SPAG16: variants seen among roughly 807,000 people sequenced by gnomAD.
SPAG16 encodes sperm associated antigen 16.
Under a neutral mutation model 80.4 loss-of-function variants are expected in SPAG16, and 86 were observed. The observed-to-expected ratio is 1.07, with a 90% CI of 0.90 to 1.28. The LOEUF (loss-of-function observed/expected upper bound fraction) is 1.28, where lower values mean the gene tolerates loss of function less well. Among genes scored for constraint, SPAG16 ranks in the 50% most tolerant of loss-of-function variants. SPAG16 has a pLI of 0.00. For missense variants in SPAG16, 870 were observed against 765.3 expected (o/e 1.14, Z -1.61); for synonymous variants, 294 against 265.9 (o/e 1.11, Z -1.03).
intron 10 of SPAG16, among the ~76,000 whole-genome samples, chr2:213,700,882 C>T (rs145482325): frequency 1.2e-3 from 186 of 152,226 alleles, no homozygotes; most frequent in Non-Finnish European, 2.3e-3. Context: ...CGTGGTGGCT[C>T]ACACATATAA....
intron 13 of SPAG16, among the ~76,000 whole-genome samples, chr2:214,049,864 C>T (rs1334649679): frequency 6.6e-6 from 1 of 152,020 alleles, no homozygotes; most frequent in Non-Finnish European, 1.5e-5. Flanking sequence ...TAAAAAAATA[C>T]CTTCTTATAC....
At chr2:213,631,673 T>C (rs2125084036) in intron 10 of SPAG16, among the ~76,000 whole-genome samples, 1 of 152,322 alleles carries the variant, frequency 6.6e-6, no homozygotes, top group South Asian at 2.1e-4. Context: ...TGGTGAAAGA[T>C]AGGGGACTAG....
intron 10 of SPAG16, among the ~76,000 whole-genome samples, chr2:213,731,383 C>T (rs187080626): frequency 6.6e-6 from 1 of 151,786 alleles, no homozygotes; most frequent in East Asian, 1.9e-4. Context: ...TGGTCTTGAA[C>T]TCCTGACATC....
chr2:213,295,244 A>T (rs890937303), intron 1 of SPAG16, among the ~76,000 whole-genome samples: 3 of 152,158 alleles, frequency 2.0e-5, no homozygotes, highest in Non-Finnish European at 4.4e-5. Flanking sequence ...ACCTAACAAT[A>T]ATAACAACAA....
At chr2:213,656,063 A>G (rs1270767491) in intron 10 of SPAG16, among the ~76,000 whole-genome samples, 1 of 152,234 alleles carries the variant, frequency 6.6e-6, no homozygotes, top group African/African-American at 2.4e-5. Flanking sequence ...TCAAGATAAA[A>G]TGTCTTAGAT....
chr2:213,510,136 C>T (rs181940771), intron 10 of SPAG16, among the ~76,000 whole-genome samples: 28 of 152,234 alleles, frequency 1.8e-4, no homozygotes, highest in Non-Finnish European at 3.2e-4. Context: ...AAAATTTAGA[C>T]ATCCCTCATA....
At chr2:213,998,533 G>C (rs1259361938) in intron 12 of SPAG16, among the ~76,000 whole-genome samples, 2 of 152,064 alleles carry the variant, frequency 1.3e-5, no homozygotes, top group African/African-American at 4.8e-5. Flanking sequence ...TCCCATTCTT[G>C]GGTATGTCTT....
At chr2:213,812,034 G>A (rs1262119023) in intron 10 of SPAG16, among the ~76,000 whole-genome samples, 2 of 152,152 alleles carry the variant, frequency 1.3e-5, no homozygotes, top group East Asian at 1.9e-4. Flanking sequence ...GGAGTTAGAA[G>A]CATGGTAAAG....
intron 10 of SPAG16, among the ~76,000 whole-genome samples, chr2:213,494,788 G>C (rs891801477): frequency 4.6e-5 from 7 of 151,994 alleles, no homozygotes; most frequent in Admixed American, 4.6e-4. Context: ...TACCTCCTTG[G>C]CTGCATGCTC....
At chr2:214,195,332 G>GATAGATAGATAGATAT (rs1265821816) in intron 15 of SPAG16, among the ~76,000 whole-genome samples, 9 of 151,882 alleles carry the variant, frequency 5.9e-5, no homozygotes, top group African/African-American at 1.2e-4. Context: ...TAGATAGATA[G>GATAGATAGATAGATAT]ATATTTGAGA....
intron 9 of SPAG16, among the ~76,000 whole-genome samples, chr2:213,429,543 A>C (rs2070158795): frequency 6.6e-6 from 1 of 152,214 alleles, no homozygotes; most frequent in Non-Finnish European, 1.5e-5. Context: ...TTCGGCCTAC[A>C]CAATCCAATA....
intron 12 of SPAG16, among the ~76,000 whole-genome samples, chr2:213,935,057 C>G (rs12476185): frequency 0.046 from 6,923 of 152,050 alleles, 179 homozygotes; most frequent in South Asian, 0.11. Context: ...AAAAAATTAC[C>G]TGGGCGTGGT....
rs145478602 is a variant in SPAG16 at position 213,914,793 on chromosome 2, A to G, written c.1215-15167A>G. On this transcript the variant is annotated intron_variant, in intron 11 of 15. Transcript: ENST00000331683. ...GGCCACATGTATGTCTTCTTTTGGA[A>G]AGAGTCTGTTCTTGTTATTTGCCCA... 2.2e-4 allele frequency among the ~76,000 whole-genome samples: 34 copies of G among 152,270 alleles called. No individual in the cohort carries two copies. The East Asian group carries it at 6.2e-3, about 28-fold the overall frequency.
chr2:213,507,275 G>C (rs1357632495), intron 10 of SPAG16, among the ~76,000 whole-genome samples: 1 of 152,166 alleles, frequency 6.6e-6, no homozygotes, highest in East Asian at 1.9e-4. Flanking sequence ...TTCCATCACT[G>C]GTGTCTCTGA....
At chr2:213,525,213 C>G (rs1358914815) in intron 10 of SPAG16, among the ~76,000 whole-genome samples, 1 of 151,554 alleles carries the variant, frequency 6.6e-6, no homozygotes, top group African/African-American at 2.4e-5. Flanking sequence ...TCCTTTTGAC[C>G]AGGTATGTAA....
At chr2:214,245,842 T>C (rs1430306345) in intron 15 of SPAG16, among the ~76,000 whole-genome samples, 1 of 152,178 alleles carries the variant, frequency 6.6e-6, no homozygotes, top group African/African-American at 2.4e-5. Context: ...TTTTTTTAAA[T>C]TTACCTGATA....
At chr2:213,668,491 G>T (rs1240866472) in intron 10 of SPAG16, among the ~76,000 whole-genome samples, 1 of 152,048 alleles carries the variant, frequency 6.6e-6, no homozygotes, top group East Asian at 1.9e-4. Context: ...TTTTTTTACA[G>T]ATAGATTGAA....
intron 15 of SPAG16, among the ~76,000 whole-genome samples, chr2:214,375,519 C>G (rs912164799): frequency 1.3e-5 from 2 of 152,102 alleles, no homozygotes; most frequent in Non-Finnish European, 2.9e-5. Context: ...AGACACCTGT[C>G]CATGCCCACC....
At chr2:213,950,653 C>T (rs1483596466) in intron 12 of SPAG16, among the ~76,000 whole-genome samples, 5 of 148,034 alleles carry the variant, frequency 3.4e-5, no homozygotes, top group Admixed American at 2.0e-4. Context: ...TCTCTCCTTC[C>T]CTCCCTCCCT....
Sources: allele counts gnomAD v4.1 joint callset (sites outside exome capture counted in the v4.1 genomes callset), GRCh38; gene constraint gnomAD v4.1.1; transcripts MANE v1.5; gene names NCBI Gene and HGNC (gene_info 2026-07-23, HGNC 2026-07-21).